Variants in ZNF778 observed in about 807,000 individuals in gnomAD.
The protein encoded by ZNF778 is zinc finger protein 778.
ZNF778 carries 37 observed loss-of-function variants against 23.9 expected under a neutral mutation model. The ratio of observed to expected loss-of-function variants is 1.54; its 90% CI spans 1.19 to 2.03. The LOEUF is 2.03. ZNF778 is among the 30% of genes most tolerant of loss of function. The pLI, the probability that ZNF778 is intolerant of heterozygous loss-of-function variation, is 0.00. For synonymous variants in ZNF778, 483 were observed against 343.9 expected (o/e 1.40, Z -4.48); for missense variants, 1,297 against 934.4 (o/e 1.39, Z -5.06).
In ZNF778 at chr16:89,225,412, T is replaced by C. The variant is rs920347480; in HGVS notation, c.329-143T>C. The C allele has an allele frequency of 5.0e-6, 3 of 599,556 alleles. No individual in the cohort carries two copies. The Admixed American group carries it at 9.1e-5, about 18-fold the overall frequency. The allele number at this position is 599,556 out of a possible 1,614,324, so 37.1% of individuals were successfully genotyped here. A position where few individuals can be genotyped will look rare whatever the true frequency, so the allele number is the denominator to read the frequency against. On this transcript the variant is annotated intron_variant, in intron 5 of 6. Transcript: ENST00000433976. Reference sequence around the variant, plus strand: ...ATTTTAAAATCTTCTAAATTATGACTCCCAGTTCCTATGATTCCAAATTTT... The same window carrying C: ...ATTTTAAAATCTTCTAAATTATGACCCCCAGTTCCTATGATTCCAAATTTT...
In ZNF778 at chr16:89,227,614, A is replaced by T; in HGVS notation, c.1326A>T (p.Thr442=). 2 of 1,614,120 alleles carry T rather than the reference A, an allele frequency of 1.2e-6. No homozygotes were observed. The highest frequency in any genetic ancestry group is 1.7e-6 in the Non-Finnish European group (2 of 1,179,994). ...GTGGCCTTACTAGACACGTACGAAC[A>T]CACACGGGCGAGAAGCCATACACGT... ...VRCGLTRHVR[T]HTGEKPYTCK... Residue 442 remains threonine (T), a synonymous_variant, in exon 7 of 7, where the codon ACA becomes ACT. Coordinates refer to ENST00000433976, the MANE Select transcript of ZNF778 (RefSeq NM_001201407.2).
intron 4 of ZNF778, among the ~76,000 whole-genome samples, chr16:89,223,730 A>G (rs544767273): frequency 3.9e-5 from 6 of 152,204 alleles, no homozygotes; most frequent in Non-Finnish European, 8.8e-5. Context: ...CAGGAATCAG[A>G]GATAACCAGT....
rs1173944521 is a variant in ZNF778 at position 89,221,635 on chromosome 16, TC to T, written c.26-455del. Reference sequence around the variant, plus strand: ...TGTATTTTCCTGAGGGACTATATTTTCCTGAGGCATTGTATGGCTGTGTGTG... The same window carrying T: ...TGTATTTTCCTGAGGGACTATATTTTCTGAGGCATTGTATGGCTGTGTGTG... On this transcript the variant is annotated intron_variant, in intron 2 of 6. Transcript: ENST00000433976. Among the ~76,000 whole-genome samples the T allele has an allele frequency of 2.1e-5, 3 of 140,184 alleles. No homozygotes were observed. In the Admixed American group the frequency reaches 2.2e-4, roughly 10 times the overall value. 92.0% of individuals were successfully genotyped at this position (140,184 alleles called of 152,430 possible). A position where few individuals can be genotyped will look rare whatever the true frequency, so the allele number is the denominator to read the frequency against.
At position 89,229,931 on chromosome 16, in the gene ZNF778, A is replaced by G. The variant is rs1555516096; in HGVS notation, c.*1369A>G. 64,983 of 976,730 alleles carry G rather than the reference A, an allele frequency of 0.067. 2,672 individuals are homozygous for G. The highest frequency in any genetic ancestry group is 0.2 in the African/African-American group (11,152 of 55,826). The allele number at this position is 976,730 out of a possible 1,614,324, so 60.5% of individuals were successfully genotyped here. On this transcript the variant is annotated 3_prime_UTR_variant, in exon 7 of 7. Coordinates refer to ENST00000433976, the MANE Select transcript of ZNF778 (RefSeq NM_001201407.2). ...TGGTTGGTTAGTGTTGAGGATCCAGATGTGATTCTGTGAGCAGTGTAGGCT... is the reference window on the plus strand; with the variant it reads ...TGGTTGGTTAGTGTTGAGGATCCAGGTGTGATTCTGTGAGCAGTGTAGGCT...
chr16:89,223,212 T>C lies in ZNF778; in HGVS notation c.173T>C (p.Leu58Ser), dbSNP rs377352753. The change falls in exon 4 of 7, where the codon TTA becomes TCA. Residue 58 changes from leucine to serine, a missense_variant. Coordinates refer to ENST00000433976, the MANE Select transcript of ZNF778 (RefSeq NM_001201407.2). Reference sequence around the variant, plus strand: ...GACTTCACCCAGGAGGAATGGACTTTACTGGACCCATCTCAGAGAGACCTC... The same window carrying C: ...GACTTCACCCAGGAGGAATGGACTTCACTGGACCCATCTCAGAGAGACCTC... ...AVDFTQEEWT[L>S]LDPSQRDLYR... The C allele has an allele frequency of 8.3e-5, 134 of 1,613,988 alleles. No individual in the cohort carries two copies. Among genetic ancestry groups the C allele is most frequent in the Non-Finnish European group, 1.1e-4 (129 of 1,180,004 alleles).
chr16:89,227,698 T>C lies in ZNF778; in HGVS notation c.1410T>C (p.Thr470=). The change falls in exon 7 of 7, where the codon ACT becomes ACC. Residue 470 remains threonine (T), a synonymous_variant. Coordinates refer to ENST00000433976, the MANE Select transcript of ZNF778 (RefSeq NM_001201407.2). The stretch of plus-strand genomic sequence containing the variant: ...CGGGCCTTACTGAGCATGTAAGGAC[T>C]CACACTGGAGAGAAACCATATGAAT... The part of the protein sequence containing the change: ...TSSGLTEHVR[T]HTGEKPYECK... 1.2e-6 allele frequency: 2 copies of C among 1,614,196 alleles called. No homozygotes were observed. The highest frequency in any genetic ancestry group is 1.7e-6 in the Non-Finnish European group (2 of 1,180,022).
intron 5 of ZNF778, 77 bp from the exon 6 acceptor site, chr16:89,225,478 T>G: frequency 6.5e-6 from 8 of 1,222,472 alleles, no homozygotes; most frequent in Non-Finnish European, 9.2e-6. Context: ...TGCTTTGTTT[T>G]TTTTTCTGCC....
At position 89,234,690 on chromosome 16, in the gene ZNF778, G is replaced by C. The variant is rs896298266; in HGVS notation, c.*6128G>C. ...CCCAACACTTTGGGAGGCCGAGGTG[G>C]GTGGATCACAAGGTCAGGAGATCAA... On this transcript the variant is annotated 3_prime_UTR_variant, in exon 7 of 7. Coordinates refer to ENST00000433976, the MANE Select transcript of ZNF778 (RefSeq NM_001201407.2). 4 of 154,228 alleles carry C rather than the reference G, an allele frequency of 2.6e-5. No homozygotes were observed. Among genetic ancestry groups the C allele is most frequent in the African/African-American group, 9.7e-5 (4 of 41,450 alleles). 9.6% of individuals were successfully genotyped at this position (154,228 alleles called of 1,614,324 possible).
chr16:89,218,754 G>A (rs990095056), intron 1 of ZNF778, among the ~76,000 whole-genome samples: 2 of 152,082 alleles, frequency 1.3e-5, no homozygotes, highest in Non-Finnish European at 2.9e-5. Flanking sequence ...TGGCGCCACT[G>A]CACTCCAGCC....
intron 1 of ZNF778, 100 bp downstream of exon 1, chr16:89,218,010 G>T (rs2030513110): frequency 1.3e-5 from 2 of 152,280 alleles, no homozygotes; most frequent in African/African-American, 2.4e-5. Flanking sequence ...CTGGCACATT[G>T]TGTTGGGACC....
chr16:89,219,061 C>A (rs1030568484), intron 1 of ZNF778, among the ~76,000 whole-genome samples: 1 of 148,102 alleles, frequency 6.8e-6, no homozygotes, highest in Non-Finnish European at 1.5e-5. Flanking sequence ...GAGCCAAGAT[C>A]GTGCCATTGC....
intron 4 of ZNF778, chr16:89,224,502 C>A (rs1196038193): frequency 1.1e-5 from 5 of 446,056 alleles, no homozygotes; most frequent in African/African-American, 2.0e-5. Context: ...ACCTATAGTC[C>A]CAGCTACTTA....
intron 1 of ZNF778, among the ~76,000 whole-genome samples, chr16:89,220,309 C>G (rs1335740526): frequency 6.6e-6 from 1 of 152,204 alleles, no homozygotes; most frequent in African/African-American, 2.4e-5. Context: ...GAAAGTACAG[C>G]TCTAGACCTA....
chr16:89,226,449 C>T (rs561695183), intron 6 of ZNF778, among the ~76,000 whole-genome samples: 32 of 152,290 alleles, frequency 2.1e-4, no homozygotes, highest in African/African-American at 7.7e-4. Context: ...AGGTGATCTG[C>T]CCGCCTCGGC....
In ZNF778 at chr16:89,227,135, T is replaced by A; in HGVS notation, c.847T>A (p.Cys283Ser). ...EMHAVRNPHV[C>S]RECGKAFRYT... ...GCATGCCGTCAGGAATCCCCACGTATGTAGGGAATGTGGGAAGGCCTTTAG... is the reference window on the plus strand; with the variant it reads ...GCATGCCGTCAGGAATCCCCACGTAAGTAGGGAATGTGGGAAGGCCTTTAG... Residue 283 changes from cysteine (C) to serine (S), a missense_variant, in exon 7 of 7, where the codon TGT becomes AGT. By Grantham distance (112) the Cys-to-Ser change is moderately radical (BLOSUM62 -1). Coordinates refer to ENST00000433976, the MANE Select transcript of ZNF778 (RefSeq NM_001201407.2). The A allele has an allele frequency of 6.2e-7, 1 of 1,614,026 alleles. No individual in the cohort carries two copies. The highest frequency in any genetic ancestry group is 8.5e-7 in the Non-Finnish European group (1 of 1,179,890).
In ZNF778 at chr16:89,229,878, T is replaced by C. The variant is rs2031819539; in HGVS notation, c.*1316T>C. 1 of 983,252 alleles carries C rather than the reference T, an allele frequency of 1.0e-6. No individual in the cohort carries two copies. The highest frequency in any genetic ancestry group is 1.2e-6 in the Non-Finnish European group (1 of 828,348). 60.9% of individuals were successfully genotyped at this position (983,252 alleles called of 1,614,324 possible). On this transcript the variant is annotated 3_prime_UTR_variant, in exon 7 of 7. Coordinates refer to ENST00000433976, the MANE Select transcript of ZNF778 (RefSeq NM_001201407.2). Reference sequence around the variant, plus strand: ...GGTTGGTTAGTCTTGAGGATCCAGATGTGATCCTGTGTGAGCAGCGTAGGC... The same window carrying C: ...GGTTGGTTAGTCTTGAGGATCCAGACGTGATCCTGTGTGAGCAGCGTAGGC...
rs145258783 is a variant in ZNF778, at chr16:89,234,339, A to G, written c.*5777A>G. The G allele has an allele frequency of 1.9e-5, 6 of 316,714 alleles. No homozygotes were observed. In the East Asian group the frequency reaches 2.5e-4, roughly 13 times the overall value. 19.6% of individuals were successfully genotyped at this position (316,714 alleles called of 1,614,324 possible). Reference sequence around the variant, plus strand: ...TTTATTCTTTCTCTCTACTCGTTCAACCTTCTTAGGGAGTGACGTTTTTTC... The same window carrying G: ...TTTATTCTTTCTCTCTACTCGTTCAGCCTTCTTAGGGAGTGACGTTTTTTC... On this transcript the variant is annotated 3_prime_UTR_variant, in exon 7 of 7. Transcript: ENST00000433976.
chr16:89,228,539 C>G lies in ZNF778; in HGVS notation c.2251C>G (p.His751Asp), dbSNP rs750647252. 1.9e-6 allele frequency: 3 copies of G among 1,591,102 alleles called. No individual in the cohort carries two copies. Among genetic ancestry groups the G allele is most frequent in the African/African-American group, 1.4e-5 (1 of 73,794 alleles). Residue 751 changes from histidine to aspartate, a missense_variant, in exon 7 of 7, where the codon CAC (histidine) becomes GAC (aspartate). Transcript: ENST00000433976. ...SSCLNHHTQI[H>D]TDEKPF is the part of the protein sequence containing the mutation. ...ATGCCTTAACCATCACACTCAAATTCACACTGATGAGAAACCTTTCTAATG... is the reference window on the plus strand; with the variant it reads ...ATGCCTTAACCATCACACTCAAATTGACACTGATGAGAAACCTTTCTAATG...
At chr16:89,221,456 C>T (rs2030933541) in intron 2 of ZNF778, among the ~76,000 whole-genome samples, 1 of 152,146 alleles carries the variant, frequency 6.6e-6, no homozygotes. Flanking sequence ...CGGCATAGCT[C>T]ACAAACATTT....
Sources: gnomAD v4.1 joint callset for allele counts (sites outside exome capture counted in the v4.1 genomes callset) on GRCh38, gnomAD v4.1.1 for gene constraint, MANE v1.5 for transcripts, NCBI Gene and HGNC (gene_info 2026-07-23, HGNC 2026-07-21) for gene names.